TEX9: variants seen among roughly 807,000 people sequenced by gnomAD.
The protein encoded by TEX9 is testis expressed 9.
Under a neutral mutation model 59.6 loss-of-function variants are expected in TEX9, and 74 were observed. The ratio of observed to expected loss-of-function variants is 1.24; its 90% confidence interval spans 1.03 to 1.51. The LOEUF is 1.51. Among genes scored for constraint, TEX9 ranks in the 40% most tolerant of loss-of-function variants. The pLI is 0.00. For synonymous variants in TEX9, 186 were observed against 152.2 expected, an observed-to-expected ratio of 1.22 and a Z score of -1.64; for missense variants, 522 against 447.8, an observed-to-expected ratio of 1.17 and a Z score of -1.49.
intron 1 of TEX9, among the ~76,000 whole-genome samples, chr15:56,330,180 A>G (rs1265630169): frequency 1.3e-5 from 2 of 152,160 alleles, no homozygotes; most frequent in African/African-American, 4.8e-5. Flanking sequence ...ATATCCAGTG[A>G]AAATATACTT....
At chr15:56,316,854 G>C (rs192393480) in intron 1 of TEX9, among the ~76,000 whole-genome samples, 9 of 152,344 alleles carry the variant, frequency 5.9e-5, no homozygotes, top group Non-Finnish European at 1.3e-4. Flanking sequence ...ATCTCGTGGT[G>C]CATCGTTTTT....
chr15:56,413,272 A>ATTTATT (rs1168476384), intron 10 of TEX9, among the ~76,000 whole-genome samples: 8 of 33,276 alleles, frequency 2.4e-4, no homozygotes, highest in East Asian at 1.7e-3. Context: ...AAATAATTTA[A>ATTTATT]TAATTAAATA....
chr15:56,249,416 G>T (rs2043953552), intron 1 of TEX9, among the ~76,000 whole-genome samples: 1 of 146,298 alleles, frequency 6.8e-6, no homozygotes, highest in Non-Finnish European at 1.5e-5. Flanking sequence ...GTTGCTAGGG[G>T]GTTAAAAAGG....
At chr15:56,389,459 C>A in intron 6 of TEX9, 59 bp downstream of exon 6, 2 of 1,214,862 alleles carry the variant, frequency 1.6e-6, no homozygotes, top group Non-Finnish European at 2.4e-6. Flanking sequence ...ACAATACCAT[C>A]ATTCTTAATT....
chr15:56,313,103 T>G (rs1227060450), intron 1 of TEX9, among the ~76,000 whole-genome samples: 1 of 151,438 alleles, frequency 6.6e-6, no homozygotes, highest in Non-Finnish European at 1.5e-5. Flanking sequence ...AGGGACAATT[T>G]GACTTCCTCT....
chr15:56,344,472 T>C (rs1198176861), intron 1 of TEX9, among the ~76,000 whole-genome samples: 1 of 152,070 alleles, frequency 6.6e-6, no homozygotes, highest in African/African-American at 2.4e-5. Flanking sequence ...GGCAAATCCA[T>C]AGAGACAGAA....
chr15:56,332,670 A>G (rs1442532051), intron 1 of TEX9, among the ~76,000 whole-genome samples: 1 of 152,082 alleles, frequency 6.6e-6, no homozygotes, highest in African/African-American at 2.4e-5. Flanking sequence ...TATAAGTAGA[A>G]GAAAAGAAAT....
intron 3 of TEX9, among the ~76,000 whole-genome samples, chr15:56,376,077 C>T (rs1244906744): frequency 4.0e-5 from 4 of 99,786 alleles, no homozygotes; most frequent in African/African-American, 1.2e-4. Flanking sequence ...CTTGTGGGGT[C>T]GGGGGAGGGG....
At chr15:56,424,810 C>T (rs2050163884) in intron 10 of TEX9, among the ~76,000 whole-genome samples, 1 of 151,988 alleles carries the variant, frequency 6.6e-6, no homozygotes, top group African/African-American at 2.4e-5. Context: ...ATAATACAGG[C>T]CTTTATATTT....
At chr15:56,318,258 T>C (rs1445046503) in intron 1 of TEX9, among the ~76,000 whole-genome samples, 1 of 152,158 alleles carries the variant, frequency 6.6e-6, no homozygotes, top group Non-Finnish European at 1.5e-5. Flanking sequence ...AAAAAGTCCT[T>C]CTTTGTCTCT....
At chr15:56,385,841 G>A (rs1045427856) in intron 4 of TEX9, among the ~76,000 whole-genome samples, 1 of 152,014 alleles carries the variant, frequency 6.6e-6, no homozygotes, top group African/African-American at 2.4e-5. Flanking sequence ...CAAAAGAGAA[G>A]CTTATTACTG....
chr15:56,258,736 A>T lies in TEX9; in HGVS notation c.-107+14458A>T, dbSNP rs2044197959. On this transcript the variant is annotated intron_variant, in intron 1 of 5. Transcript: ENST00000560827. ...ATTTCTCTGATTACTAATTATATGG[A>T]ACATCTTTTCATGTGCTTATATTCA... 2.0e-5 allele frequency among the ~76,000 whole-genome samples: 3 copies of T among 151,824 alleles called. No individual in the cohort carries two copies. The South Asian group carries it at 6.2e-4, about 32-fold the overall frequency.
At chr15:56,307,358 C>T (rs866635727) in intron 1 of TEX9, among the ~76,000 whole-genome samples, 2 of 152,176 alleles carry the variant, frequency 1.3e-5, no homozygotes, top group African/African-American at 4.8e-5. Context: ...GCTCCTCTCC[C>T]TAGCCCACCA....
intron 11 of TEX9, 99 bp from the exon 12 acceptor site, chr15:56,428,268 T>G: frequency 1.2e-6 from 1 of 811,564 alleles, no homozygotes; most frequent in Non-Finnish European, 2.0e-6. Flanking sequence ...AGAACTTATA[T>G]TCTGACAATA....
intron 9 of TEX9, among the ~76,000 whole-genome samples, chr15:56,404,897 C>G (rs143073272): frequency 0.044 from 6,735 of 152,222 alleles, 226 homozygotes; most frequent in Admixed American, 0.087. Flanking sequence ...AAACCAAACA[C>G]CGCATGTTCT....
intron 1 of TEX9, among the ~76,000 whole-genome samples, chr15:56,280,632 A>C (rs1317027452): frequency 6.6e-6 from 1 of 152,224 alleles, no homozygotes; most frequent in Admixed American, 6.5e-5. Context: ...CATCCATAAG[A>C]AAAAAGGAAA....
At chr15:56,429,216 G>A (rs1429991304) in intron 12 of TEX9, 1 of 1,482,756 alleles carries the variant, frequency 6.7e-7, no homozygotes, top group African/African-American at 1.4e-5. Flanking sequence ...TACTTTGTGG[G>A]TTACTTTTGA....
At chr15:56,333,924 A>G (rs2046208919) in intron 1 of TEX9, among the ~76,000 whole-genome samples, 1 of 152,182 alleles carries the variant, frequency 6.6e-6, no homozygotes, top group Non-Finnish European at 1.5e-5. Flanking sequence ...TACAGTAGCT[A>G]CAAATAAAAT....
At chr15:56,440,048 C>T (rs1596259097) in intron 12 of TEX9, among the ~76,000 whole-genome samples, 2 of 152,176 alleles carry the variant, frequency 1.3e-5, no homozygotes, top group South Asian at 2.1e-4. Context: ...ATATGAAGAA[C>T]TCTCAAAACC....
Sources: gnomAD v4.1 joint callset for allele counts (sites outside exome capture counted in the v4.1 genomes callset) on GRCh38, gnomAD v4.1.1 for gene constraint, MANE v1.5 for transcripts, NCBI Gene and HGNC (gene_info 2026-07-23, HGNC 2026-07-21) for gene names.